Variants in ADARB2 observed in about 807,000 individuals in gnomAD.
ADARB2 encodes inactive double-stranded RNA-specific editase B2.
ADARB2 carries 25 observed loss-of-function variants against 62.2 expected under a neutral mutation model. The observed-to-expected ratio is 0.40, with a 90% CI of 0.29 to 0.56. The LOEUF (loss-of-function observed/expected upper bound fraction) is 0.56. ADARB2 is among the 20% of genes least tolerant of loss of function. ADARB2 has a pLI of 0.43. For synonymous variants in ADARB2, 572 were observed against 500.8 expected (o/e 1.14, Z -1.90); for missense variants, 1,071 against 1,077.4 (o/e 0.99, Z 0.08).
At chr10:1,437,259 C>CACATATAT (rs1367876165) in intron 1 of ADARB2, among the ~76,000 whole-genome samples, 1 of 151,996 alleles carries the variant, frequency 6.6e-6, no homozygotes, top group Admixed American at 6.6e-5. Flanking sequence ...TATACACACA[C>CACATATAT]ACACACATGC....
chr10:1,523,687 G>T (rs902481363), intron 1 of ADARB2, among the ~76,000 whole-genome samples: 1 of 144,834 alleles, frequency 6.9e-6, no homozygotes, highest in Non-Finnish European at 1.6e-5. Flanking sequence ...ATGATTTAGA[G>T]TATCACTGAA....
intron 1 of ADARB2, among the ~76,000 whole-genome samples, chr10:1,736,146 AG>A (rs1835297974): frequency 6.6e-6 from 1 of 152,218 alleles, no homozygotes; most frequent in African/African-American, 2.4e-5. Context: ...CAGGCTCACT[AG>A]GAACTGACAA....
At chr10:1,210,145 G>A (rs1425670306) in intron 7 of ADARB2, among the ~76,000 whole-genome samples, 1 of 152,104 alleles carries the variant, frequency 6.6e-6, no homozygotes, top group Non-Finnish European at 1.5e-5. Context: ...TGTTTGTTTG[G>A]ATCTTTTGAT....
chr10:1,218,128 G>A (rs2131755089), intron 6 of ADARB2, among the ~76,000 whole-genome samples: 1 of 152,292 alleles, frequency 6.6e-6, no homozygotes, highest in East Asian at 1.9e-4. Context: ...TCAGCTCACT[G>A]CAACCTCCGC....
chr10:1,459,198 A>T (rs1467676717), intron 1 of ADARB2, among the ~76,000 whole-genome samples: 1 of 152,206 alleles, frequency 6.6e-6, no homozygotes, highest in African/African-American at 2.4e-5. Context: ...AGGAGTATAA[A>T]TCATCTATCA....
chr10:1,692,240 T>G (rs1401833610), intron 1 of ADARB2, among the ~76,000 whole-genome samples: 1 of 152,244 alleles, frequency 6.6e-6, no homozygotes, highest in Admixed American at 6.5e-5. Context: ...CATTTTTTCC[T>G]TCTAATGAAG....
At position 1,490,019 on chromosome 10, in the gene ADARB2, A is replaced by C. The variant is rs145191689; in HGVS notation, c.101-110859T>G. ...GACCTCAGCCTTGCAGCTGACTGAC[A>C]ATTTTGTGATAAACAGAAGCACACG... is the stretch of plus-strand genomic sequence containing the variant. On this transcript the variant is annotated intron_variant, in intron 1 of 9. Coordinates refer to ENST00000381312, the MANE Select transcript of ADARB2 (RefSeq NM_018702.4). 3.2e-3 allele frequency among the ~76,000 whole-genome samples: 492 copies of C among 152,306 alleles called. 3 individuals carry two copies. Among genetic ancestry groups the C allele is most frequent in the African/African-American group, 0.011 (467 of 41,566 alleles).
chr10:1,302,285 C>T (rs984824332), intron 3 of ADARB2, among the ~76,000 whole-genome samples: 3 of 152,164 alleles, frequency 2.0e-5, no homozygotes, highest in Non-Finnish European at 4.4e-5. Flanking sequence ...CCTGGAAAAT[C>T]CGGTCACTCC....
At chr10:1,323,888 A>C (rs2131828802) in intron 3 of ADARB2, among the ~76,000 whole-genome samples, 1 of 152,352 alleles carries the variant, frequency 6.6e-6, no homozygotes, top group South Asian at 2.1e-4. Context: ...CCATAAAAGG[A>C]AAAATGGAAG....
chr10:1,295,689 C>G (rs546104279), intron 3 of ADARB2, among the ~76,000 whole-genome samples: 2 of 151,752 alleles, frequency 1.3e-5, no homozygotes, highest in African/African-American at 4.9e-5. Context: ...CATGAAGGGT[C>G]TCATTAAGAA....
intron 3 of ADARB2, among the ~76,000 whole-genome samples, chr10:1,327,265 T>A (rs796787596): frequency 3.5e-5 from 2 of 56,624 alleles, no homozygotes; most frequent in Non-Finnish European, 7.5e-5. Context: ...CAGCGCCTCC[T>A]CACTGCACAG....
At chr10:1,463,405 C>T (rs1393786291) in intron 1 of ADARB2, among the ~76,000 whole-genome samples, 2 of 152,186 alleles carry the variant, frequency 1.3e-5, no homozygotes, top group Non-Finnish European at 2.9e-5. Flanking sequence ...AGGAGCGTGT[C>T]CTGGTCCATG....
At chr10:1,408,210 A>G (rs1832723457) in intron 1 of ADARB2, among the ~76,000 whole-genome samples, 1 of 152,176 alleles carries the variant, frequency 6.6e-6, no homozygotes, top group South Asian at 2.1e-4. Context: ...CATTGTGAAC[A>G]TTTTTCATTA....
At chr10:1,672,435 G>C (rs77399937) in intron 1 of ADARB2, among the ~76,000 whole-genome samples, 1 of 152,104 alleles carries the variant, frequency 6.6e-6, no homozygotes, top group Non-Finnish European at 1.5e-5. Flanking sequence ...ACACCCAAGC[G>C]GGCATACTGA....
At chr10:1,578,711 A>G (rs562310530) in intron 1 of ADARB2, among the ~76,000 whole-genome samples, 24 of 151,228 alleles carry the variant, frequency 1.6e-4, no homozygotes, top group East Asian at 8.0e-4. Context: ...GCTCATGCAC[A>G]CTCACACAGA....
rs56170527 is a variant in ADARB2, at chr10:1,348,242, A to C, written c.1077+14786T>G. On this transcript the variant is annotated intron_variant, in intron 3 of 9. Transcript: ENST00000381312. ...TCCCTGTTGTTTCTAAACTCTCAGG[A>C]AACTGTCTGATGTCTCTAAAGAAAC... Among the ~76,000 whole-genome samples the C allele has an allele frequency of 9.8e-3, 1,498 of 152,276 alleles. 25 individuals carry two copies. Among genetic ancestry groups the C allele is most frequent in the African/African-American group, 0.034 (1,429 of 41,536 alleles).
intron 1 of ADARB2, among the ~76,000 whole-genome samples, chr10:1,549,676 G>A (rs1363407911): frequency 6.6e-6 from 1 of 152,108 alleles, no homozygotes; most frequent in Non-Finnish European, 1.5e-5. Context: ...CCTCCTCATT[G>A]TCACAGAGTT....
At chr10:1,683,163 G>A (rs1455144784) in intron 1 of ADARB2, among the ~76,000 whole-genome samples, 1 of 152,148 alleles carries the variant, frequency 6.6e-6, no homozygotes, top group Non-Finnish European at 1.5e-5. Context: ...AGTTCACATA[G>A]GGAGAAACAA....
chr10:1,560,805 G>A (rs1174544909), intron 1 of ADARB2, among the ~76,000 whole-genome samples: 1 of 152,244 alleles, frequency 6.6e-6, no homozygotes, highest in Non-Finnish European at 1.5e-5. Flanking sequence ...CCCAGACTGG[G>A]CAGCTGGCTG....
Sources: allele counts gnomAD v4.1 joint callset (sites outside exome capture counted in the v4.1 genomes callset), GRCh38; gene constraint gnomAD v4.1.1; transcripts MANE v1.5; gene names NCBI Gene and HGNC (gene_info 2026-07-23, HGNC 2026-07-21).